The following SUCLG2 variants were observed in gnomAD, a reference collection of about 807,000 sequenced individuals.
SUCLG2 encodes succinate--CoA ligase [GDP-forming] subunit beta, mitochondrial.
Under a neutral mutation model 47.9 loss-of-function variants are expected in SUCLG2, and 42 were observed. The observed-to-expected ratio is 0.88, with a 90% CI of 0.69 to 1.14. SUCLG2 has a LOEUF of 1.14. Among genes scored for constraint, SUCLG2 ranks in the 50% most tolerant of loss-of-function variants. The pLI is 0.00. For missense variants in SUCLG2, 571 were observed against 525.9 expected (o/e 1.09, Z -0.84); for synonymous variants, 195 against 197.3 (o/e 0.99, Z 0.10).
chr3:67,377,086 T>C (rs1702048797), intron 10 of SUCLG2, among the ~76,000 whole-genome samples: 1 of 152,242 alleles, frequency 6.6e-6, no homozygotes, highest in South Asian at 2.1e-4. Flanking sequence ...AAGTAACTTA[T>C]ACACAGCATA....
At chr3:67,483,611 C>T (rs901006603) in intron 9 of SUCLG2, among the ~76,000 whole-genome samples, 4 of 152,200 alleles carry the variant, frequency 2.6e-5, no homozygotes, top group Admixed American at 6.5e-5. Context: ...GTGAACAAGA[C>T]GAGATGTATT....
intron 1 of SUCLG2, among the ~76,000 whole-genome samples, chr3:67,611,750 A>G (rs1366744591): frequency 1.3e-5 from 2 of 152,224 alleles, no homozygotes; most frequent in Non-Finnish European, 2.9e-5. Context: ...AACACTCGCC[A>G]TATTAATTTT....
rs371990092 is a variant in SUCLG2, at chr3:67,606,115, G to A, written c.226+3340C>T. Among the ~76,000 whole-genome samples the A allele has an allele frequency of 2.7e-4, 41 of 152,154 alleles. No homozygotes were observed. The South Asian group carries it at 7.9e-3, about 29-fold the overall frequency. ...ACCTACTCTGAAGGCTGAGGTGGGA[G>A]GATCACTCGAGCCCAGGAGTTCGAG... On this transcript the variant is annotated intron_variant, in intron 2 of 10. Coordinates refer to ENST00000307227, the MANE Select transcript of SUCLG2 (RefSeq NM_003848.4).
chr3:67,392,665 A>G (rs1702416832), intron 10 of SUCLG2, among the ~76,000 whole-genome samples: 1 of 152,168 alleles, frequency 6.6e-6, no homozygotes, highest in South Asian at 2.1e-4. Flanking sequence ...TTAAGGTAAA[A>G]ACCACTTTCA....
At chr3:67,463,916 G>C (rs961880654) in intron 9 of SUCLG2, among the ~76,000 whole-genome samples, 1 of 152,368 alleles carries the variant, frequency 6.6e-6, no homozygotes, top group Non-Finnish European at 1.5e-5. Context: ...ATAATCTCAA[G>C]GAGGTATGAA....
At chr3:67,368,631 G>A (rs1701907472) in intron 10 of SUCLG2, among the ~76,000 whole-genome samples, 1 of 151,824 alleles carries the variant, frequency 6.6e-6, no homozygotes, top group African/African-American at 2.4e-5. Flanking sequence ...TTGAGATAGA[G>A]TTTCACTTTT....
chr3:67,545,614 T>C (rs1706842719), intron 2 of SUCLG2, among the ~76,000 whole-genome samples: 1 of 152,206 alleles, frequency 6.6e-6, no homozygotes, highest in African/African-American at 2.4e-5. Flanking sequence ...AGAGTTTATA[T>C]TTGGCTTTCA....
intron 4 of SUCLG2, among the ~76,000 whole-genome samples, chr3:67,527,527 C>A (rs912051953): frequency 1.3e-5 from 2 of 152,112 alleles, no homozygotes; most frequent in Admixed American, 1.3e-4. Flanking sequence ...AGGTTCTGGT[C>A]TCAGCTCTAC....
chr3:67,443,969 T>C (rs1451642410), intron 9 of SUCLG2, among the ~76,000 whole-genome samples: 8 of 70,622 alleles, frequency 1.1e-4, no homozygotes, highest in Non-Finnish European at 2.2e-4. Context: ...TGGGGGGGGG[T>C]CAGCCCCCCG....
At chr3:67,523,589 TG>T (rs1706178247) in intron 4 of SUCLG2, among the ~76,000 whole-genome samples, 1 of 152,198 alleles carries the variant, frequency 6.6e-6, no homozygotes, top group Non-Finnish European at 1.5e-5. Flanking sequence ...AGTAACAACT[TG>T]TCGTTTATAG....
intron 9 of SUCLG2, among the ~76,000 whole-genome samples, chr3:67,436,183 T>A (rs188908030): frequency 2.2e-4 from 33 of 152,320 alleles, no homozygotes; most frequent in Non-Finnish European, 4.6e-4. Context: ...TGCTTTTTTC[T>A]AAAGACAAGG....
intron 10 of SUCLG2, among the ~76,000 whole-genome samples, chr3:67,378,235 C>T (rs990333141): frequency 2.6e-5 from 4 of 152,140 alleles, no homozygotes; most frequent in African/African-American, 9.7e-5. Flanking sequence ...TTGTAGAATC[C>T]GTCCCCCTTG....
At chr3:67,488,360 G>A (rs933190785) in intron 9 of SUCLG2, among the ~76,000 whole-genome samples, 2 of 152,054 alleles carry the variant, frequency 1.3e-5, no homozygotes, top group Non-Finnish European at 2.9e-5. Context: ...CTCTGACAGT[G>A]GGTGGGGCAG....
At chr3:67,383,590 G>GC (rs1308446603) in intron 10 of SUCLG2, among the ~76,000 whole-genome samples, 2 of 152,080 alleles carry the variant, frequency 1.3e-5, no homozygotes, top group African/African-American at 4.8e-5. Flanking sequence ...CACAGCAGGA[G>GC]CCCCCAGCTC....
intron 9 of SUCLG2, among the ~76,000 whole-genome samples, chr3:67,434,646 C>T (rs1434646062): frequency 6.6e-6 from 1 of 152,126 alleles, no homozygotes; most frequent in African/African-American, 2.4e-5. Flanking sequence ...AAGGGGAAGG[C>T]CAGCAGTAAT....
chr3:67,632,293 G>A (rs1281931414), intron 1 of SUCLG2, among the ~76,000 whole-genome samples: 2 of 151,892 alleles, frequency 1.3e-5, no homozygotes, highest in South Asian at 2.1e-4. Flanking sequence ...AGCAATTCTC[G>A]TGTCTCAGTC....
intron 2 of SUCLG2, among the ~76,000 whole-genome samples, chr3:67,572,600 C>A (rs1707642735): frequency 6.6e-6 from 1 of 152,132 alleles, no homozygotes; most frequent in Non-Finnish European, 1.5e-5. Flanking sequence ...AATGATTTAA[C>A]CCAGAGCAGT....
At chr3:67,457,837 T>C (rs1559533905) in intron 9 of SUCLG2, among the ~76,000 whole-genome samples, 1 of 152,074 alleles carries the variant, frequency 6.6e-6, no homozygotes, top group Non-Finnish European at 1.5e-5. Flanking sequence ...TCCATTACAA[T>C]GGTGTTCTAT....
intron 2 of SUCLG2, among the ~76,000 whole-genome samples, chr3:67,563,463 T>C (rs1391916338): frequency 6.6e-6 from 1 of 152,180 alleles, no homozygotes; most frequent in Admixed American, 6.5e-5. Context: ...TAAGTAAATA[T>C]GATACGTCCA....
Sources: gnomAD v4.1 joint callset for allele counts (sites outside exome capture counted in the v4.1 genomes callset) on GRCh38, gnomAD v4.1.1 for gene constraint, MANE v1.5 for transcripts, NCBI Gene and HGNC (gene_info 2026-07-23, HGNC 2026-07-21) for gene names.